The following HEPHL1 variants were observed in gnomAD, a reference collection of about 807,000 sequenced individuals.
HEPHL1 encodes hephaestin like 1.
HEPHL1 carries 123 observed loss-of-function variants against 122.0 expected under a neutral mutation model. The observed-to-expected ratio is 1.01, with a 90% confidence interval of 0.87 to 1.17. The LOEUF is 1.17. Among genes scored for constraint, HEPHL1 ranks in the 50% most tolerant of loss-of-function variants. HEPHL1 has a pLI of 0.00. For missense variants in HEPHL1, 1,452 were observed against 1,430.5 expected, an observed-to-expected ratio of 1.01 and a Z score of -0.24; for synonymous variants, 527 against 508.9, an observed-to-expected ratio of 1.04 and a Z score of -0.48.
At position 94,073,155 on chromosome 11, in the gene HEPHL1, G is replaced by C; in HGVS notation, c.1363G>C (p.Gly455Arg). ...KRLSAEEAHLGILGPVIKAEV... is the reference protein window; with the variant it reads ...KRLSAEEAHLRILGPVIKAEV... ...ACTCTCTGCTGAAGAAGCCCATCTTGGAATTCTTGGTACAGTAAAACCATC... is the reference window on the plus strand; with the variant it reads ...ACTCTCTGCTGAAGAAGCCCATCTTCGAATTCTTGGTACAGTAAAACCATC... The change falls in exon 7 of 20, where the codon GGA becomes CGA. Residue 455 changes from glycine (G) to arginine (R), a missense_variant. Coordinates refer to ENST00000315765, the MANE Select transcript of HEPHL1 (RefSeq NM_001098672.2). 1 of 1,613,052 alleles carries C rather than the reference G, an allele frequency of 6.2e-7. No individual in the cohort carries two copies. The highest frequency in any genetic ancestry group is 8.5e-7 in the Non-Finnish European group (1 of 1,179,436).
rs1012264467 is a variant in HEPHL1, at chr11:94,112,200, T to C, written c.*306T>C. On this transcript the variant is annotated 3_prime_UTR_variant, in exon 20 of 20. Coordinates refer to ENST00000315765, the MANE Select transcript of HEPHL1 (RefSeq NM_001098672.2). ...TAGGAGACACTCTGAAAGATATCTT[T>C]ATATTCCATCTTTTATAATTCTTGA... 8.9e-6 allele frequency: 2 copies of C among 225,882 alleles called. No homozygotes were observed. The highest frequency in any genetic ancestry group is 4.5e-5 in the African/African-American group (2 of 44,298). The allele number at this position is 225,882 out of a possible 1,614,324, so 14.0% of individuals were successfully genotyped here.
chr11:94,096,546 G>A (rs1219033369), intron 13 of HEPHL1, among the ~76,000 whole-genome samples: 4 of 152,168 alleles, frequency 2.6e-5, no homozygotes, highest in Non-Finnish European at 4.4e-5. Context: ...ATGAGTTAGG[G>A]AGGATTCCCT....
intron 12 of HEPHL1, among the ~76,000 whole-genome samples, chr11:94,092,204 ATAAAAT>A (rs1946267422): frequency 6.6e-6 from 1 of 152,180 alleles, no homozygotes; most frequent in Non-Finnish European, 1.5e-5. Context: ...TATTTTAGAG[ATAAAAT>A]TAAAAGATTT....
rs369328583 is a variant in HEPHL1 at position 94,021,451 on chromosome 11, C to T, written c.83C>T (p.Thr28Met). 334 of 1,612,902 alleles carry T rather than the reference C, an allele frequency of 2.1e-4. No individual in the cohort carries two copies. The highest frequency in any genetic ancestry group is 2.5e-4 in the Non-Finnish European group (291 of 1,178,932). The change falls in exon 1 of 20, where the codon ACG becomes ATG. Residue 28 changes from threonine (T) to methionine (M), a missense_variant. By Grantham distance (81) the Thr-to-Met change is moderately conservative. Transcript: ENST00000315765. ...LSGLVGTVTR[T>M]YYIGIVEEYW... is the part of the protein sequence containing the mutation. Reference sequence around the variant, plus strand: ...GGGCTGGTTGGCACAGTTACCAGAACGTACTACATTGGGATTGTGGAAGAA... The same window carrying T: ...GGGCTGGTTGGCACAGTTACCAGAATGTACTACATTGGGATTGTGGAAGAA...
intron 2 of HEPHL1, among the ~76,000 whole-genome samples, chr11:94,059,335 T>C (rs565883911): frequency 2.6e-5 from 4 of 152,232 alleles, no homozygotes; most frequent in Admixed American, 2.6e-4. Flanking sequence ...ATTTGAAAAA[T>C]AGTTTCAAGT....
At chr11:94,094,408 T>C (rs1946292741) in intron 13 of HEPHL1, among the ~76,000 whole-genome samples, 1 of 152,176 alleles carries the variant, frequency 6.6e-6, no homozygotes, top group Non-Finnish European at 1.5e-5. Flanking sequence ...TTGTTGGACA[T>C]TTGGGTTGGT....
At chr11:94,031,331 T>TACACAC (rs3058474) in intron 1 of HEPHL1, among the ~76,000 whole-genome samples, 2,987 of 144,564 alleles carry the variant, frequency 0.021, 44 homozygotes, top group Non-Finnish European at 0.031. Flanking sequence ...TGTGCATTGT[T>TACACAC]ACACACACAC....
intron 16 of HEPHL1, 37 bp from the exon 17 acceptor site, chr11:94,105,953 TA>T: frequency 6.9e-7 from 1 of 1,446,592 alleles, no homozygotes; most frequent in Non-Finnish European, 9.4e-7. Context: ...GCTTATCTTT[TA>T]ACTAACCAAA....
At chr11:94,110,722 A>G (rs538320815) in intron 17 of HEPHL1, among the ~76,000 whole-genome samples, 181 bp from the exon 18 acceptor site, 26 of 152,308 alleles carry the variant, frequency 1.7e-4, no homozygotes, top group Admixed American at 4.6e-4. Context: ...TGATCTGTTC[A>G]AAGAATCAGT....
At position 94,073,015 on chromosome 11, in the gene HEPHL1, G is replaced by A. The variant is rs764173556; in HGVS notation, c.1233-10G>A. 1 of 1,610,822 alleles carries A rather than the reference G, an allele frequency of 6.2e-7. No individual in the cohort carries two copies. The highest frequency in any genetic ancestry group is 8.5e-7 in the Non-Finnish European group (1 of 1,177,816). On this transcript the variant is annotated splice_polypyrimidine_tract_variant and intron_variant, in intron 6 of 19. Coordinates refer to ENST00000315765, the MANE Select transcript of HEPHL1 (RefSeq NM_001098672.2). ...GAAGTGTCCTCAATCACATTCCTAT[G>A]TCTTTTCAGTGACTCTGATCTCTAC...
At chr11:94,067,836 TTAGA>T (rs1362542119) in intron 5 of HEPHL1, 86 bp downstream of exon 5, 10 of 1,209,280 alleles carry the variant, frequency 8.3e-6, no homozygotes, top group Middle Eastern at 1.9e-4. Context: ...GTACCTACTG[TTAGA>T]TAGAGCCTTG....
intron 1 of HEPHL1, among the ~76,000 whole-genome samples, chr11:94,029,284 G>C (rs371013753): frequency 4.6e-5 from 7 of 152,290 alleles, no homozygotes; most frequent in South Asian, 4.1e-4. Flanking sequence ...TCTCTTCACT[G>C]TCTGAGCAGG....
In HEPHL1 at chr11:94,049,573, A is replaced by C. The variant is rs144689596; in HGVS notation, c.415+3656A>C. ...ACTGACTCCCAGGTGCCAGACATTG[A>C]CTCTGGGTCCTGAGAATAAAAGATG... On this transcript the variant is annotated intron_variant, in intron 2 of 19. Coordinates refer to ENST00000315765, the MANE Select transcript of HEPHL1 (RefSeq NM_001098672.2). Among the ~76,000 whole-genome samples the C allele has an allele frequency of 5.5e-3, 826 of 148,984 alleles. 14 individuals carry two copies. Among genetic ancestry groups the C allele is most frequent in the African/African-American group, 0.019 (788 of 40,544 alleles).
intron 1 of HEPHL1, among the ~76,000 whole-genome samples, chr11:94,036,302 C>T (rs556867907): frequency 6.6e-6 from 1 of 152,296 alleles, no homozygotes; most frequent in South Asian, 2.1e-4. Context: ...ATAGCTCCAC[C>T]TGCTGATGTC....
intron 13 of HEPHL1, among the ~76,000 whole-genome samples, chr11:94,099,492 C>A (rs1205662826): frequency 2.0e-5 from 3 of 152,204 alleles, no homozygotes. Flanking sequence ...TCTGACCATT[C>A]TCAGATCTCA....
At chr11:94,063,917 T>C (rs758352370) in intron 3 of HEPHL1, among the ~76,000 whole-genome samples, 197 bp downstream of exon 3, 25 of 152,356 alleles carry the variant, frequency 1.6e-4, no homozygotes, top group Non-Finnish European at 3.5e-4. Flanking sequence ...CACAGCATTC[T>C]GAGACTTTAT....
intron 12 of HEPHL1, among the ~76,000 whole-genome samples, chr11:94,089,633 A>G (rs1344774040): frequency 6.6e-6 from 1 of 152,142 alleles, no homozygotes; most frequent in Non-Finnish European, 1.5e-5. Context: ...CCAGGAACCA[A>G]GATCCCTAGG....
intron 13 of HEPHL1, among the ~76,000 whole-genome samples, chr11:94,093,971 G>GATAGATATATATAT (rs71036310): frequency 4.4e-4 from 32 of 72,744 alleles, no homozygotes; most frequent in African/African-American, 5.9e-4. Flanking sequence ...TCCTCCAGCA[G>GATAGATATATATAT]ATATATATAT....
intron 17 of HEPHL1, among the ~76,000 whole-genome samples, chr11:94,107,596 C>G (rs1946418754): frequency 6.6e-6 from 1 of 152,176 alleles, no homozygotes; most frequent in Admixed American, 6.5e-5. Flanking sequence ...CAACCACTGT[C>G]TCTATAGTTT....
Sources: allele counts gnomAD v4.1 joint callset (sites outside exome capture counted in the v4.1 genomes callset), GRCh38; gene constraint gnomAD v4.1.1; transcripts MANE v1.5; gene names NCBI Gene and HGNC (gene_info 2026-07-23, HGNC 2026-07-21).